SHROOM3: variants seen among roughly 807,000 people sequenced by gnomAD.
SHROOM3 encodes the protein shroom family member 3, also known as protein Shroom3.
In SHROOM3, 47 loss-of-function variants were observed where a neutral mutation model predicts 138.6. The ratio of observed to expected loss-of-function variants is 0.34; its 90% CI spans 0.27 to 0.43. The LOEUF (loss-of-function observed/expected upper bound fraction) is 0.43. Ranked by LOEUF, SHROOM3 falls within the 20% of genes least tolerant of loss-of-function variation. The probability of loss-of-function intolerance (pLI) is 1.00; values close to 1 mark genes in which losing one functional copy is unlikely to be tolerated. For missense variants in SHROOM3, 2,491 were observed against 2,596.5 expected, an observed-to-expected ratio of 0.96 and a Z score of 0.88; for synonymous variants, 1,062 against 1,063.3, an observed-to-expected ratio of 1.00 and a Z score of 0.02.
At chr4:76,438,623 C>G (rs1284272879) in intron 1 of SHROOM3, among the ~76,000 whole-genome samples, 1 of 152,162 alleles carries the variant, frequency 6.6e-6, no homozygotes, top group Non-Finnish European at 1.5e-5. Flanking sequence ...TGATGTCACC[C>G]AAGTTGAGTT....
chr4:76,679,909 C>A (rs1369626130), intron 2 of SHROOM3, among the ~76,000 whole-genome samples: 3 of 152,168 alleles, frequency 2.0e-5, no homozygotes, highest in African/African-American at 7.2e-5. Flanking sequence ...CTCATTGTCA[C>A]CTAGATCACA....
At position 76,619,098 on chromosome 4, in the gene SHROOM3, T is replaced by C. The variant is rs754629265; in HGVS notation, c.323+63335T>C. On this transcript the variant is annotated intron_variant, in intron 2 of 10. Transcript: ENST00000296043. Reference sequence around the variant, plus strand: ...CCTGACCTTAAATGATCCACCTGCCTTAGCCTCTCAAAGTGCTGGGATTAC... The same window carrying C: ...CCTGACCTTAAATGATCCACCTGCCCTAGCCTCTCAAAGTGCTGGGATTAC... 2.0e-5 allele frequency among the ~76,000 whole-genome samples: 3 copies of C among 152,224 alleles called. No homozygotes were observed. In the East Asian group the frequency reaches 5.8e-4, roughly 29 times the overall value.
intron 9 of SHROOM3, among the ~76,000 whole-genome samples, chr4:76,762,308 T>G (rs1722012570): frequency 6.6e-6 from 1 of 152,234 alleles, no homozygotes; most frequent in South Asian, 2.1e-4. Context: ...GTCATGTAAG[T>G]ATGCAAATGT....
intron 2 of SHROOM3, among the ~76,000 whole-genome samples, chr4:76,648,316 A>G (rs1277747834): frequency 6.6e-6 from 1 of 152,208 alleles, no homozygotes; most frequent in East Asian, 1.9e-4. Context: ...TGACAGAGTG[A>G]TATCTTATCT....
chr4:76,739,799 G>A lies in SHROOM3; in HGVS notation c.1626G>A (p.Val542=). The A allele has an allele frequency of 6.2e-7, 1 of 1,614,180 alleles. No individual in the cohort carries two copies. The highest frequency in any genetic ancestry group is 1.1e-5 in the South Asian group (1 of 91,086). The part of the protein sequence containing the change: ...QPLEHDLLSP[V]EKKPEATAKY... Reference sequence around the variant, plus strand: ...TAGAACATGACTTGCTGTCCCCAGTGGAGAAGAAACCAGAAGCTACAGCCA... The same window carrying A: ...TAGAACATGACTTGCTGTCCCCAGTAGAGAAGAAACCAGAAGCTACAGCCA... Residue 542 remains valine (V), a synonymous_variant, in exon 5 of 11, where the codon GTG becomes GTA. Transcript: ENST00000296043.
intron 1 of SHROOM3, among the ~76,000 whole-genome samples, chr4:76,457,551 GC>G (rs2109973552): frequency 6.6e-6 from 1 of 151,634 alleles, no homozygotes; most frequent in Admixed American, 6.6e-5. Context: ...GAGAGCAGTG[GC>G]ACTATCTCGA....
At chr4:76,665,175 A>G (rs1417327574) in intron 2 of SHROOM3, among the ~76,000 whole-genome samples, 8 of 152,070 alleles carry the variant, frequency 5.3e-5, no homozygotes, top group Non-Finnish European at 7.4e-5. Context: ...TAGTACTAGG[A>G]CTTCTGATGA....
intron 2 of SHROOM3, among the ~76,000 whole-genome samples, chr4:76,581,036 C>T (rs570060230): frequency 6.6e-6 from 1 of 152,154 alleles, no homozygotes; most frequent in African/African-American, 2.4e-5. Context: ...TGAAATGGAT[C>T]ATTAATAATG....
intron 1 of SHROOM3, among the ~76,000 whole-genome samples, chr4:76,446,928 T>G (rs1730818556): frequency 6.6e-6 from 1 of 152,228 alleles, no homozygotes; most frequent in South Asian, 2.1e-4. Context: ...GTGTCCACGC[T>G]CAATCTGTCT....
chr4:76,552,226 G>T (rs902611559), intron 1 of SHROOM3, among the ~76,000 whole-genome samples: 1 of 150,166 alleles, frequency 6.7e-6, no homozygotes, highest in Non-Finnish European at 1.5e-5. Context: ...GTATATATTG[G>T]CCAGGCACAG....
intron 2 of SHROOM3, among the ~76,000 whole-genome samples, chr4:76,683,589 G>T (rs1330313676): frequency 6.6e-6 from 1 of 151,466 alleles, no homozygotes; most frequent in Non-Finnish European, 1.5e-5. Context: ...AGCCTTGGAG[G>T]ACCCAGGCTC....
chr4:76,608,736 CAT>C (rs1284408373), intron 2 of SHROOM3, among the ~76,000 whole-genome samples: 38 of 146,406 alleles, frequency 2.6e-4, no homozygotes, highest in African/African-American at 8.6e-4. Flanking sequence ...CACAGCATAG[CAT>C]AGCATAGCAC....
intron 2 of SHROOM3, among the ~76,000 whole-genome samples, chr4:76,633,987 C>A (rs1223734148): frequency 4.6e-5 from 7 of 152,102 alleles, no homozygotes; most frequent in Non-Finnish European, 8.8e-5. Context: ...AAAATTTTAT[C>A]CTGGAGAACC....
chr4:76,687,258 C>A (rs1239538459), intron 2 of SHROOM3, among the ~76,000 whole-genome samples: 2 of 152,130 alleles, frequency 1.3e-5, no homozygotes, highest in Admixed American at 1.3e-4. Flanking sequence ...AACTTTCTCA[C>A]AAAATATTTT....
rs571845915 is a variant in SHROOM3 at position 76,755,865 on chromosome 4, C to T, written c.4710-584C>T. On this transcript the variant is annotated intron_variant, in intron 7 of 10. Coordinates refer to ENST00000296043, the MANE Select transcript of SHROOM3 (RefSeq NM_020859.4). ...AGAATGAGAAAGAAGCATTCCCCAA[C>T]ACATAGTCCCTAGAACAAGTAATCT... Among the ~76,000 whole-genome samples the T allele has an allele frequency of 2.0e-5, 3 of 152,328 alleles. No individual in the cohort carries two copies. The South Asian group carries it at 6.2e-4, about 32-fold the overall frequency.
rs185661160 is a variant in SHROOM3 at position 76,654,097 on chromosome 4, C to T, written c.324-56059C>T. ...CCAGCTGGGCAGTAGAAGCTGGAGGCGTCAAGAAAAGCTTTCTCGAGTTGT... is the reference window on the plus strand; with the variant it reads ...CCAGCTGGGCAGTAGAAGCTGGAGGTGTCAAGAAAAGCTTTCTCGAGTTGT... On this transcript the variant is annotated intron_variant, in intron 2 of 10. Transcript: ENST00000296043. Among the ~76,000 whole-genome samples, 5 of 152,190 alleles carry T rather than the reference C, an allele frequency of 3.3e-5. No homozygotes were observed. In the East Asian group the frequency reaches 5.8e-4, roughly 18 times the overall value.
chr4:76,602,380 T>G (rs1174863697), intron 2 of SHROOM3, among the ~76,000 whole-genome samples: 2 of 152,168 alleles, frequency 1.3e-5, no homozygotes, highest in Non-Finnish European at 2.9e-5. Flanking sequence ...TTACAACATA[T>G]AAAGTTAAGT....
chr4:76,736,550 G>C (rs951711836), intron 4 of SHROOM3, among the ~76,000 whole-genome samples: 7 of 152,130 alleles, frequency 4.6e-5, no homozygotes, highest in African/African-American at 1.7e-4. Flanking sequence ...TGACCAATAA[G>C]ACACTACATT....
At chr4:76,552,281 A>G (rs1733381859) in intron 1 of SHROOM3, among the ~76,000 whole-genome samples, 1 of 150,874 alleles carries the variant, frequency 6.6e-6, no homozygotes, top group Non-Finnish European at 1.5e-5. Context: ...CCAAAGTGGG[A>G]GGATCACTTG....
Sources: allele counts gnomAD v4.1 joint callset (sites outside exome capture counted in the v4.1 genomes callset), GRCh38; gene constraint gnomAD v4.1.1; transcripts MANE v1.5; gene names NCBI Gene and HGNC (gene_info 2026-07-23, HGNC 2026-07-21).